The following PALLD variants were observed in gnomAD, a reference collection of about 807,000 sequenced individuals.
The protein encoded by PALLD is palladin, cytoskeletal associated protein, also known as palladin.
In PALLD, 61 loss-of-function variants were observed where a neutral mutation model predicts 123.5. The ratio of observed to expected loss-of-function variants is 0.49; its 90% CI spans 0.40 to 0.61. PALLD has a LOEUF of 0.61. Among genes scored for constraint, PALLD ranks in the 20% least tolerant of loss-of-function variants. The probability of loss-of-function intolerance (pLI) is 0.00; values close to 1 mark genes in which losing one functional copy is unlikely to be tolerated. For missense variants in PALLD, 1,273 were observed against 1,377.0 expected, an observed-to-expected ratio of 0.92 and a Z score of 1.20; for synonymous variants, 465 against 496.4, an observed-to-expected ratio of 0.94 and a Z score of 0.84.
intron 2 of PALLD, among the ~76,000 whole-genome samples, chr4:168,555,403 G>T (rs539054464): frequency 2.0e-5 from 3 of 152,174 alleles, no homozygotes; most frequent in Non-Finnish European, 4.4e-5. Flanking sequence ...GAATCTGCCT[G>T]GTGGGGAGAG....
intron 10 of PALLD, among the ~76,000 whole-genome samples, chr4:168,802,126 T>C (rs976886619): frequency 6.6e-6 from 1 of 152,246 alleles, no homozygotes; most frequent in African/African-American, 2.4e-5. Context: ...TTCTCGGGAA[T>C]GCTCCATTGA....
intron 10 of PALLD, chr4:168,832,248 C>T (rs1318467545): frequency 3.3e-6 from 3 of 898,908 alleles, no homozygotes; most frequent in South Asian, 1.0e-4. Context: ...CAGGGTGGGC[C>T]GCGAGTCGGG....
chr4:168,788,057 CT>C (rs1296834511), intron 10 of PALLD, among the ~76,000 whole-genome samples: 1 of 152,212 alleles, frequency 6.6e-6, no homozygotes, highest in Non-Finnish European at 1.5e-5. Context: ...TCAAGTTCCA[CT>C]GGGTTTTGCT....
intron 10 of PALLD, among the ~76,000 whole-genome samples, chr4:168,847,400 A>G (rs1747024278): frequency 6.6e-6 from 1 of 152,248 alleles, no homozygotes; most frequent in Non-Finnish European, 1.5e-5. Flanking sequence ...ACCAACATGG[A>G]AGGATACCCA....
chr4:168,899,197 T>C (rs1446820286), intron 14 of PALLD, among the ~76,000 whole-genome samples: 1 of 152,156 alleles, frequency 6.6e-6, no homozygotes, highest in African/African-American at 2.4e-5. Flanking sequence ...GTGAAGAATA[T>C]TGTTTAGAAC....
rs115916213 is a variant in PALLD, at chr4:168,839,677, C to T, written c.1965-51245C>T. Reference sequence around the variant, plus strand: ...CTGGGTAGATGGAGCCGCCGTTTTACAGAGGTAAGGACAAGAGTTTAGTTT... The same window carrying T: ...CTGGGTAGATGGAGCCGCCGTTTTATAGAGGTAAGGACAAGAGTTTAGTTT... On this transcript the variant is annotated intron_variant, in intron 10 of 21. Transcript: ENST00000505667. Among the ~76,000 whole-genome samples the T allele has an allele frequency of 7.3e-3, 1,111 of 152,178 alleles. 16 individuals carry two copies. Among genetic ancestry groups the T allele is most frequent in the African/African-American group, 0.025 (1,053 of 41,520 alleles).
chr4:168,603,158 AT>A (rs1561294958), intron 2 of PALLD, among the ~76,000 whole-genome samples: 1 of 152,172 alleles, frequency 6.6e-6, no homozygotes, highest in Admixed American at 6.5e-5. Flanking sequence ...TTTATCTCTA[AT>A]TTAAGGACTG....
At chr4:168,625,803 C>T (rs974389419) in intron 2 of PALLD, among the ~76,000 whole-genome samples, 41 of 152,106 alleles carry the variant, frequency 2.7e-4, no homozygotes, top group Admixed American at 1.6e-3. Context: ...GGAACTCATG[C>T]GCCCTGTTGG....
intron 2 of PALLD, chr4:168,631,602 G>C: frequency 3.0e-6 from 3 of 985,478 alleles, no homozygotes; most frequent in Non-Finnish European, 1.2e-6. Flanking sequence ...CGCGCCCCTC[G>C]GCGAGACGCG....
At chr4:168,774,201 G>C (rs374372231) in intron 10 of PALLD, among the ~76,000 whole-genome samples, 15 of 151,574 alleles carry the variant, frequency 9.9e-5, no homozygotes, top group African/African-American at 3.6e-4. Context: ...CTTTCTCCTT[G>C]TACTTGCCTC....
At chr4:168,644,369 G>T (rs959952545) in intron 2 of PALLD, among the ~76,000 whole-genome samples, 2 of 152,146 alleles carry the variant, frequency 1.3e-5, no homozygotes, top group Non-Finnish European at 2.9e-5. Flanking sequence ...GATTACAGGC[G>T]TGAGCCACTG....
At chr4:168,821,233 C>T (rs1233530253) in intron 10 of PALLD, among the ~76,000 whole-genome samples, 1 of 152,204 alleles carries the variant, frequency 6.6e-6, no homozygotes, top group African/African-American at 2.4e-5. Context: ...TCAATTATTT[C>T]ACCTGAAGTT....
chr4:168,738,532 G>A (rs1787987884), intron 10 of PALLD, among the ~76,000 whole-genome samples: 1 of 151,196 alleles, frequency 6.6e-6, no homozygotes, highest in African/African-American at 2.4e-5. Context: ...CCAGGTTCAA[G>A]CAATTCTCCT....
intron 10 of PALLD, among the ~76,000 whole-genome samples, chr4:168,839,724 T>C (rs1745763956): frequency 6.6e-6 from 1 of 152,128 alleles, no homozygotes; most frequent in African/African-American, 2.4e-5. Flanking sequence ...AGTGGAGATG[T>C]CCAGGACACA....
chr4:168,757,478 T>G (rs1732048757), intron 10 of PALLD, among the ~76,000 whole-genome samples: 1 of 152,256 alleles, frequency 6.6e-6, no homozygotes, highest in Non-Finnish European at 1.5e-5. Context: ...ATGGAAACGT[T>G]AAGAAATAAT....
chr4:168,796,543 A>G (rs1738532724), intron 10 of PALLD, among the ~76,000 whole-genome samples: 1 of 152,098 alleles, frequency 6.6e-6, no homozygotes, highest in Admixed American at 6.6e-5. Flanking sequence ...TGGGCCCTGT[A>G]CTCTTGGCCC....
intron 17 of PALLD, among the ~76,000 whole-genome samples, chr4:168,918,691 C>CA (rs201364299): frequency 0.013 from 1,879 of 149,836 alleles, 37 homozygotes; most frequent in Admixed American, 0.038. Context: ...GTTCTTACTA[C>CA]AAAAAAAAAT....
chr4:168,757,374 T>G (rs1732035977), intron 10 of PALLD, among the ~76,000 whole-genome samples: 1 of 152,144 alleles, frequency 6.6e-6, no homozygotes, highest in South Asian at 2.1e-4. Context: ...ATTACTCGGG[T>G]TGTTGATGTC....
At chr4:168,704,499 G>A (rs577726688) in intron 8 of PALLD, among the ~76,000 whole-genome samples, 71 of 151,772 alleles carry the variant, frequency 4.7e-4, no homozygotes, top group Non-Finnish European at 8.4e-4. Flanking sequence ...GTGAAACCCC[G>A]TCTCTACTAA....
Sources: allele counts gnomAD v4.1 joint callset (sites outside exome capture counted in the v4.1 genomes callset), GRCh38; gene constraint gnomAD v4.1.1; transcripts MANE v1.5; gene names NCBI Gene and HGNC (gene_info 2026-07-23, HGNC 2026-07-21).